TAF1B: variants seen among roughly 807,000 people sequenced by gnomAD.
The protein encoded by TAF1B is TATA box-binding protein-associated factor RNA polymerase I subunit B.
Under a neutral mutation model 83.9 loss-of-function variants are expected in TAF1B, and 61 were observed. The ratio of observed to expected loss-of-function variants is 0.73; its 90% confidence interval spans 0.59 to 0.90. The LOEUF is 0.90. TAF1B is among the 40% of genes least tolerant of loss of function. The probability of loss-of-function intolerance (pLI) is 0.00; values close to 1 mark genes in which losing one functional copy is unlikely to be tolerated. For missense variants in TAF1B, 625 were observed against 677.0 expected (o/e 0.92, Z 0.85); for synonymous variants, 221 against 224.6 (o/e 0.98, Z 0.14).
chr2:9,891,123 C>A (rs2125160992), intron 8 of TAF1B, among the ~76,000 whole-genome samples: 1 of 152,326 alleles, frequency 6.6e-6, no homozygotes, highest in Middle Eastern at 3.4e-3. Flanking sequence ...ATAACTGTTT[C>A]AGTCAACAAT....
intron 7 of TAF1B, among the ~76,000 whole-genome samples, chr2:9,879,330 T>C (rs1251524359): frequency 6.6e-6 from 1 of 152,196 alleles, no homozygotes; most frequent in Non-Finnish European, 1.5e-5. Flanking sequence ...GATCTGAGAA[T>C]GAGCCAATGA....
intron 6 of TAF1B, among the ~76,000 whole-genome samples, chr2:9,872,058 T>C (rs1018254869): frequency 2.0e-5 from 3 of 152,158 alleles, no homozygotes; most frequent in Non-Finnish European, 4.4e-5. Context: ...CTGGGTGTGG[T>C]GGCTCACGCC....
Position 9,934,151 on chromosome 2 carries a change from G to A in TAF1B, c.*167G>A. 1.8e-6 allele frequency: 1 copy of A among 567,240 alleles called. No individual in the cohort carries two copies. 35.1% of individuals were successfully genotyped at this position (567,240 alleles called of 1,614,324 possible). Reference sequence around the variant, plus strand: ...TGCTTAGAAAAATGTATATTGTAAAGCAGGTGAGCTTCATTTGATTTTATT... The same window carrying A: ...TGCTTAGAAAAATGTATATTGTAAAACAGGTGAGCTTCATTTGATTTTATT... On this transcript the variant is annotated 3_prime_UTR_variant, in exon 15 of 15. Coordinates refer to ENST00000263663, the MANE Select transcript of TAF1B (RefSeq NM_005680.3).
intron 8 of TAF1B, among the ~76,000 whole-genome samples, chr2:9,883,287 A>G (rs1664569138): frequency 6.6e-6 from 1 of 152,174 alleles, no homozygotes. Context: ...CTGTCCTTTG[A>G]TTATGAGTTT....
rs73163638 is a variant in TAF1B at position 9,909,587 on chromosome 2, C to T, written c.956-1149C>T. Among the ~76,000 whole-genome samples, 586 of 152,152 alleles carry T rather than the reference C, an allele frequency of 3.9e-3. 5 individuals are homozygous for T. Among genetic ancestry groups the T allele is most frequent in the African/African-American group, 0.013 (542 of 41,502 alleles). On this transcript the variant is annotated intron_variant, in intron 9 of 14. Transcript: ENST00000263663. Reference sequence around the variant, plus strand: ...GTGAGTTCATGAGAGCAGGGGAATACGATGATTGGGCCACAGGAGAGTAAG... The same window carrying T: ...GTGAGTTCATGAGAGCAGGGGAATATGATGATTGGGCCACAGGAGAGTAAG...
At chr2:9,849,578 C>T in intron 3 of TAF1B, 118 bp downstream of exon 3, 1 of 638,508 alleles carries the variant, frequency 1.6e-6, no homozygotes. Flanking sequence ...ATTTTATCTA[C>T]TGGCATACGT....
intron 8 of TAF1B, among the ~76,000 whole-genome samples, chr2:9,904,070 A>G (rs916093736): frequency 9.9e-5 from 15 of 152,094 alleles, no homozygotes; most frequent in African/African-American, 3.6e-4. Flanking sequence ...AAGCATTCCA[A>G]ATACTTTGGC....
chr2:9,843,805 C>T (rs1663107121), intron 1 of TAF1B: 1 of 451,934 alleles, frequency 2.2e-6, no homozygotes, highest in African/African-American at 2.1e-5. Flanking sequence ...TGGTGTTTGT[C>T]GTTATGGGTG....
intron 8 of TAF1B, among the ~76,000 whole-genome samples, chr2:9,901,404 T>C (rs1665174369): frequency 1.3e-5 from 2 of 152,244 alleles, no homozygotes; most frequent in South Asian, 4.1e-4. Context: ...AATAGTGGCC[T>C]CTTTGTCACC....
At chr2:9,892,230 C>T (rs1413519274) in intron 8 of TAF1B, among the ~76,000 whole-genome samples, 1 of 152,112 alleles carries the variant, frequency 6.6e-6, no homozygotes, top group Non-Finnish European at 1.5e-5. Flanking sequence ...ATGTTTGTAA[C>T]CTGGGAGTAG....
rs564221988 is a variant in TAF1B at position 9,869,794 on chromosome 2, A to T, written c.553+1365A>T. On this transcript the variant is annotated intron_variant, in intron 6 of 14. Transcript: ENST00000263663. ...GGGAGGCTGAGGCAGAATTGCTTGA[A>T]CCGGGAGGCAGAGGTTTCAGTGAGC... Among the ~76,000 whole-genome samples, 13 of 151,848 alleles carry T rather than the reference A, an allele frequency of 8.6e-5. No individual in the cohort carries two copies. The South Asian group carries it at 2.7e-3, about 32-fold the overall frequency.
chr2:9,877,929 G>A (rs1186304475), intron 7 of TAF1B, among the ~76,000 whole-genome samples: 1 of 152,094 alleles, frequency 6.6e-6, no homozygotes, highest in Non-Finnish European at 1.5e-5. Flanking sequence ...TAGCTAGGGG[G>A]CTTTTGTTTT....
chr2:9,876,113 A>T (rs1489863626), intron 7 of TAF1B, 95 bp downstream of exon 7: 1 of 1,311,778 alleles, frequency 7.6e-7, no homozygotes, highest in African/African-American at 1.5e-5. Context: ...AAGAAGGCTT[A>T]ACTTGAGGAA....
intron 4 of TAF1B, among the ~76,000 whole-genome samples, chr2:9,853,286 T>A (rs1011394891): frequency 6.6e-6 from 1 of 152,174 alleles, no homozygotes; most frequent in African/African-American, 2.4e-5. Context: ...GGCTCCAGAA[T>A]CAGAACTGAC....
intron 6 of TAF1B, among the ~76,000 whole-genome samples, chr2:9,873,630 T>C (rs1423296909): frequency 6.6e-6 from 1 of 151,704 alleles, no homozygotes; most frequent in Non-Finnish European, 1.5e-5. Context: ...ATTTTTTTTT[T>C]TTTTTTTTTT....
Position 9,864,653 on chromosome 2 carries a change from T to C in TAF1B, c.400-3623T>C, listed in dbSNP as rs542356819. On this transcript the variant is annotated intron_variant, in intron 5 of 14. Coordinates refer to ENST00000263663, the MANE Select transcript of TAF1B (RefSeq NM_005680.3). ...CACAACAAAAAAAGAGAATTTTAGATCAATATCCTTGATGAACATTGATGC... is the reference window on the plus strand; with the variant it reads ...CACAACAAAAAAAGAGAATTTTAGACCAATATCCTTGATGAACATTGATGC... 1.1e-4 allele frequency among the ~76,000 whole-genome samples: 16 copies of C among 151,950 alleles called. No individual in the cohort carries two copies. The South Asian group carries it at 1.3e-3, about 12-fold the overall frequency.
At chr2:9,848,161 T>C (rs899493739) in intron 2 of TAF1B, among the ~76,000 whole-genome samples, 4 of 152,226 alleles carry the variant, frequency 2.6e-5, no homozygotes, top group African/African-American at 4.8e-5. Context: ...ACGTGTCTTA[T>C]GTTTTCAGTG....
At chr2:9,880,426 C>CTTTTTTTTTTTTTTT (rs6146620) in intron 7 of TAF1B, among the ~76,000 whole-genome samples, 1 of 75,006 alleles carries the variant, frequency 1.3e-5, no homozygotes, top group Non-Finnish European at 2.5e-5. Flanking sequence ...GAGTAAGCAG[C>CTTTTTTTTTTTTTTT]TTTTTTTTTT....
At chr2:9,864,985 A>C (rs913095863) in intron 5 of TAF1B, among the ~76,000 whole-genome samples, 3 of 152,258 alleles carry the variant, frequency 2.0e-5, no homozygotes, top group African/African-American at 7.2e-5. Context: ...CCAATATCAT[A>C]CTGAATGGAC....
Sources: gnomAD v4.1 joint callset for allele counts (sites outside exome capture counted in the v4.1 genomes callset) on GRCh38, gnomAD v4.1.1 for gene constraint, MANE v1.5 for transcripts, NCBI Gene and HGNC (gene_info 2026-07-23, HGNC 2026-07-21) for gene names.